Variants in SEMA6D observed in about 807,000 individuals in gnomAD.
SEMA6D encodes the protein semaphorin-6D.
Under a neutral mutation model 106.6 loss-of-function variants are expected in SEMA6D, and 35 were observed. That is an observed-to-expected ratio of 0.33 (90% CI 0.25 to 0.44). The LOEUF is 0.44. Ranked by LOEUF, SEMA6D falls within the 20% of genes least tolerant of loss-of-function variation. SEMA6D has a pLI of 1.00. For missense variants in SEMA6D, 1,185 were observed against 1,345.9 expected (o/e 0.88, Z 1.87); for synonymous variants, 499 against 487.7 (o/e 1.02, Z -0.31).
At chr15:47,424,572 T>C (rs2041272587) in intron 2 of SEMA6D, among the ~76,000 whole-genome samples, 1 of 152,284 alleles carries the variant, frequency 6.6e-6, no homozygotes. Flanking sequence ...TTTTAATGTA[T>C]TTATTCATCC....
At chr15:47,530,082 T>C (rs1390134541) in intron 3 of SEMA6D, among the ~76,000 whole-genome samples, 1 of 152,198 alleles carries the variant, frequency 6.6e-6, no homozygotes, top group Non-Finnish European at 1.5e-5. Context: ...AGCAAAGGTA[T>C]CACATCTCTT....
intron 1 of SEMA6D, among the ~76,000 whole-genome samples, chr15:47,257,094 G>C (rs1363412422): frequency 7.0e-6 from 1 of 141,940 alleles, no homozygotes; most frequent in Non-Finnish European, 1.5e-5. Flanking sequence ...GTCTCGCTCT[G>C]TTGCCCAGGC....
At chr15:47,599,216 A>G (rs10519133) in intron 3 of SEMA6D, among the ~76,000 whole-genome samples, 2,645 of 152,218 alleles carry the variant, frequency 0.017, 81 homozygotes, top group African/African-American at 0.061. Flanking sequence ...AGTATGGCCA[A>G]ATAAATAGAA....
chr15:47,619,554 C>T (rs2144144363), intron 4 of SEMA6D, among the ~76,000 whole-genome samples: 1 of 152,314 alleles, frequency 6.6e-6, no homozygotes, highest in South Asian at 2.1e-4. Context: ...GTGTGGCCTA[C>T]AGACCAGCAG....
intron 4 of SEMA6D, among the ~76,000 whole-genome samples, chr15:47,696,340 T>C (rs535708650): frequency 2.0e-5 from 3 of 152,228 alleles, no homozygotes; most frequent in African/African-American, 7.2e-5. Flanking sequence ...TCCTGAGCAA[T>C]GGGGTTTCTT....
intron 1 of SEMA6D, among the ~76,000 whole-genome samples, chr15:47,344,161 G>A (rs2037945707): frequency 6.6e-6 from 1 of 150,674 alleles, no homozygotes; most frequent in South Asian, 2.1e-4. Context: ...AACCATTGTG[G>A]AAGTCGGTGT....
intron 1 of SEMA6D, among the ~76,000 whole-genome samples, chr15:47,335,986 C>T (rs2037539251): frequency 6.6e-6 from 1 of 152,146 alleles, no homozygotes; most frequent in Admixed American, 6.5e-5. Flanking sequence ...AGTCAGAAGG[C>T]AGAGATTACA....
chr15:47,223,831 T>C (rs2031420679), intron 1 of SEMA6D, among the ~76,000 whole-genome samples: 1 of 152,154 alleles, frequency 6.6e-6, no homozygotes, highest in Non-Finnish European at 1.5e-5. Flanking sequence ...CCTCTTTTTA[T>C]TTCTTTGGTT....
chr15:47,307,918 T>G (rs1383063014), intron 1 of SEMA6D, among the ~76,000 whole-genome samples: 1 of 152,198 alleles, frequency 6.6e-6, no homozygotes, highest in African/African-American at 2.4e-5. Context: ...CATACTTGTT[T>G]GATCAGAGTG....
chr15:47,651,578 T>A (rs958953873), intron 4 of SEMA6D, among the ~76,000 whole-genome samples: 1 of 152,166 alleles, frequency 6.6e-6, no homozygotes, highest in East Asian at 1.9e-4. Context: ...ATAAAGAGTG[T>A]TCTAGAATGA....
chr15:47,331,126 C>T (rs756174906), intron 1 of SEMA6D, among the ~76,000 whole-genome samples: 1 of 152,170 alleles, frequency 6.6e-6, no homozygotes, highest in Non-Finnish European at 1.5e-5. Flanking sequence ...GTATACTCTA[C>T]CACATCTCAG....
chr15:47,770,378 C>A, intron 18 of SEMA6D, 119 bp from the exon 19 acceptor site: 1 of 762,338 alleles, frequency 1.3e-6, no homozygotes. Context: ...GTCTACTTGA[C>A]CCTCCGAGCT....
chr15:47,263,248 G>A (rs1441065682), intron 1 of SEMA6D, among the ~76,000 whole-genome samples: 2 of 152,172 alleles, frequency 1.3e-5, no homozygotes, highest in Non-Finnish European at 2.9e-5. Flanking sequence ...ACTATCAACA[G>A]TGTAAGCGGA....
At chr15:47,208,017 ACACACAC>A (rs2141176503) in intron 1 of SEMA6D, among the ~76,000 whole-genome samples, 1 of 148,644 alleles carries the variant, frequency 6.7e-6, no homozygotes, top group South Asian at 2.2e-4. Flanking sequence ...ACACACACAC[ACACACAC>A]ACACACACAC....
intron 1 of SEMA6D, among the ~76,000 whole-genome samples, chr15:47,400,188 C>G (rs1401855190): frequency 1.3e-5 from 2 of 152,152 alleles, no homozygotes; most frequent in Admixed American, 1.3e-4. Flanking sequence ...AGCGAACACA[C>G]TGTAGAAATC....
rs202137078 is a variant in SEMA6D at position 47,771,443 on chromosome 15, A to G, written c.2880A>G (p.Arg960=). The G allele has an allele frequency of 1.3e-5, 21 of 1,614,000 alleles. No individual in the cohort carries two copies. The highest frequency in any genetic ancestry group is 8.8e-5 in the South Asian group (8 of 91,074). Residue 960 remains arginine (R), a synonymous_variant, in exon 19 of 19, where the codon AGA becomes AGG. Coordinates refer to ENST00000536845, the MANE Select transcript of SEMA6D (RefSeq NM_001358351.3). The part of the protein sequence containing the change: ...TPGVPMTSLE[R]QRGYHKNSSQ... Reference sequence around the variant, plus strand: ...GAGTCCCAATGACTTCTCTGGAAAGACAAAGAGGTTATCACAAAAATTCCT... The same window carrying G: ...GAGTCCCAATGACTTCTCTGGAAAGGCAAAGAGGTTATCACAAAAATTCCT...
intron 3 of SEMA6D, among the ~76,000 whole-genome samples, chr15:47,496,248 A>G (rs1050952897): frequency 1.3e-5 from 2 of 152,068 alleles, no homozygotes; most frequent in Admixed American, 1.3e-4. Flanking sequence ...GACCTGAACC[A>G]TATTTTGTTG....
chr15:47,641,879 G>A (rs1049903873), intron 4 of SEMA6D, among the ~76,000 whole-genome samples: 2 of 152,116 alleles, frequency 1.3e-5, no homozygotes, highest in African/African-American at 4.8e-5. Context: ...CCCCAGTCTG[G>A]CATTGGGCAC....
intron 1 of SEMA6D, among the ~76,000 whole-genome samples, chr15:47,370,957 T>G (rs1567033912): frequency 6.6e-6 from 1 of 152,192 alleles, no homozygotes; most frequent in Non-Finnish European, 1.5e-5. Context: ...ATGATGTAGT[T>G]CAGGGTTGCT....
Sources: gnomAD v4.1 joint callset for allele counts (sites outside exome capture counted in the v4.1 genomes callset) on GRCh38, gnomAD v4.1.1 for gene constraint, MANE v1.5 for transcripts, NCBI Gene and HGNC (gene_info 2026-07-23, HGNC 2026-07-21) for gene names.